The following NAALADL2 variants were observed in gnomAD, a reference collection of about 807,000 sequenced individuals.
The protein encoded by NAALADL2 is inactive N-acetylated-alpha-linked acidic dipeptidase-like protein 2.
NAALADL2 carries 76 observed loss-of-function variants against 87.2 expected under a neutral mutation model. That is an observed-to-expected ratio of 0.87 (90% CI 0.72 to 1.05). NAALADL2 has a LOEUF of 1.05. Ranked by LOEUF, NAALADL2 falls within the 50% of genes least tolerant of loss-of-function variation. NAALADL2 has a pLI of 0.00. For synonymous variants in NAALADL2, 354 were observed against 331.0 expected (o/e 1.07, Z -0.75); for missense variants, 1,089 against 945.8 (o/e 1.15, Z -1.99).
At chr3:174,890,122 G>C (rs1443268587) in intron 1 of NAALADL2, among the ~76,000 whole-genome samples, 1 of 152,250 alleles carries the variant, frequency 6.6e-6, no homozygotes, top group African/African-American at 2.4e-5. Context: ...TAACCATCAC[G>C]ATGACGTTTC....
intron 2 of NAALADL2, among the ~76,000 whole-genome samples, chr3:174,558,535 C>T (rs1399947886): frequency 6.6e-6 from 1 of 152,134 alleles, no homozygotes; most frequent in Non-Finnish European, 1.5e-5. Flanking sequence ...GCACTAGATT[C>T]TCATGAAGGG....
At chr3:175,069,735 C>A (rs1338757388) in intron 1 of NAALADL2, among the ~76,000 whole-genome samples, 1 of 151,944 alleles carries the variant, frequency 6.6e-6, no homozygotes, top group East Asian at 1.9e-4. Flanking sequence ...TGGCACTATT[C>A]ACAATAGCAA....
At chr3:174,627,081 G>A (rs77553231) in intron 2 of NAALADL2, among the ~76,000 whole-genome samples, 2 of 152,032 alleles carry the variant, frequency 1.3e-5, no homozygotes, top group Non-Finnish European at 2.9e-5. Flanking sequence ...TGACCTTAGG[G>A]ATCTAAAAGT....
Position 175,803,440 on chromosome 3 carries a change from G to T in NAALADL2, c.*237G>T, listed in dbSNP as rs1487322963. 1.0e-5 allele frequency: 3 copies of T among 299,788 alleles called. No individual in the cohort carries two copies. The highest frequency in any genetic ancestry group is 1.2e-5 in the Non-Finnish European group (2 of 163,284). 18.6% of individuals were successfully genotyped at this position (299,788 alleles called of 1,614,324 possible). A position where few individuals can be genotyped will look rare whatever the true frequency, so the allele number is the denominator to read the frequency against. On this transcript the variant is annotated 3_prime_UTR_variant, in exon 14 of 14. Coordinates refer to ENST00000454872, the MANE Select transcript of NAALADL2 (RefSeq NM_207015.3). ...AGCAAGTTATTGAAATAGGACTTAA[G>T]AATTACCTATTAAAAAGAAATCTGA...
chr3:175,265,039 C>T (rs920158348), intron 4 of NAALADL2, among the ~76,000 whole-genome samples: 38 of 151,486 alleles, frequency 2.5e-4, no homozygotes, highest in African/African-American at 8.5e-4. Flanking sequence ...AAACATTCAT[C>T]GAAAGTCAGC....
intron 3 of NAALADL2, among the ~76,000 whole-genome samples, chr3:174,756,680 C>T (rs1447509367): frequency 1.3e-5 from 2 of 152,296 alleles, no homozygotes; most frequent in East Asian, 1.9e-4. Flanking sequence ...AGAAGCAGCA[C>T]ATAAGGTCAG....
At chr3:175,475,864 T>G (rs1725628801) in intron 9 of NAALADL2, among the ~76,000 whole-genome samples, 1 of 152,086 alleles carries the variant, frequency 6.6e-6, no homozygotes, top group East Asian at 1.9e-4. Context: ...CCTATAGGCA[T>G]GCACCACCAT....
At chr3:175,100,847 A>T (rs995866050) in intron 2 of NAALADL2, among the ~76,000 whole-genome samples, 2 of 151,684 alleles carry the variant, frequency 1.3e-5, no homozygotes, top group African/African-American at 4.8e-5. Flanking sequence ...TCAAAAAAAA[A>T]AAAAAAAAAA....
At chr3:174,715,973 G>A (rs552391839) in intron 2 of NAALADL2, among the ~76,000 whole-genome samples, 120 of 151,970 alleles carry the variant, frequency 7.9e-4, no homozygotes, top group Non-Finnish European at 1.5e-3. Flanking sequence ...TCCTTTGATT[G>A]CTAAAATGCT....
At chr3:174,640,918 T>C (rs916285204) in intron 2 of NAALADL2, among the ~76,000 whole-genome samples, 1 of 152,140 alleles carries the variant, frequency 6.6e-6, no homozygotes, top group Non-Finnish European at 1.5e-5. Flanking sequence ...GGAGGAATTA[T>C]TAAAAATGCC....
chr3:175,690,194 C>G (rs1736857849), intron 11 of NAALADL2, among the ~76,000 whole-genome samples: 1 of 151,780 alleles, frequency 6.6e-6, no homozygotes, highest in Admixed American at 6.6e-5. Flanking sequence ...TCATATTGGG[C>G]CAAATTAAAA....
chr3:174,462,751 G>A (rs974442287), intron 1 of NAALADL2, among the ~76,000 whole-genome samples: 1 of 152,146 alleles, frequency 6.6e-6, no homozygotes, highest in Non-Finnish European at 1.5e-5. Context: ...AGCATGCAGC[G>A]ACTAGCTAAA....
At chr3:175,397,729 T>A (rs1769993289) in intron 5 of NAALADL2, among the ~76,000 whole-genome samples, 1 of 152,130 alleles carries the variant, frequency 6.6e-6, no homozygotes, top group African/African-American at 2.4e-5. Flanking sequence ...GCACTTCAAG[T>A]TTCTGGGTCA....
intron 4 of NAALADL2, among the ~76,000 whole-genome samples, chr3:175,295,718 AACACACACACACAC>A (rs58935758): frequency 7.0e-6 from 1 of 143,656 alleles, no homozygotes; most frequent in Non-Finnish European, 1.5e-5. Flanking sequence ...CATGCACACA[AACACACACACACAC>A]ACACACACAC....
chr3:175,535,055 C>T (rs1276312343), intron 9 of NAALADL2, among the ~76,000 whole-genome samples: 1 of 152,064 alleles, frequency 6.6e-6, no homozygotes, highest in Non-Finnish European at 1.5e-5. Flanking sequence ...CACTGTGGTG[C>T]ATTATTAGAG....
At position 174,490,246 on chromosome 3, in the gene NAALADL2, C is replaced by T. The variant is rs116459948; in HGVS notation, c.-184+49214C>T. Among the ~76,000 whole-genome samples, 544 of 152,010 alleles carry T rather than the reference C, an allele frequency of 3.6e-3. 5 individuals are homozygous for T. Among genetic ancestry groups the T allele is most frequent in the African/African-American group, 0.012 (504 of 41,490 alleles). ...GGCAATAAAAAATGAAGTATTGATA[C>T]GTATTACAACACAAATGAACCTTAA... On this transcript the variant is annotated intron_variant, in intron 1 of 3. Coordinates refer to the NAALADL2 transcript ENST00000434257.
chr3:174,845,668 G>A (rs1724541937), intron 3 of NAALADL2, among the ~76,000 whole-genome samples: 1 of 152,218 alleles, frequency 6.6e-6, no homozygotes, highest in South Asian at 2.1e-4. Flanking sequence ...CCTCCTTTAA[G>A]CAGGTTGTTG....
At chr3:175,772,248 A>C (rs1045838314) in intron 13 of NAALADL2, among the ~76,000 whole-genome samples, 1 of 151,998 alleles carries the variant, frequency 6.6e-6, no homozygotes, top group Non-Finnish European at 1.5e-5. Flanking sequence ...TAGATGTGCT[A>C]GTTTATTCAG....
At chr3:174,783,990 T>G (rs1309107204) in intron 3 of NAALADL2, among the ~76,000 whole-genome samples, 1 of 152,180 alleles carries the variant, frequency 6.6e-6, no homozygotes, top group African/African-American at 2.4e-5. Context: ...TATACTAGTT[T>G]GAAGCTTAGA....
Sources: allele counts gnomAD v4.1 joint callset (sites outside exome capture counted in the v4.1 genomes callset), GRCh38; gene constraint gnomAD v4.1.1; transcripts MANE v1.5; gene names NCBI Gene and HGNC (gene_info 2026-07-23, HGNC 2026-07-21).